TMEM220: variants seen among roughly 807,000 people sequenced by gnomAD.
The protein encoded by TMEM220 is transmembrane protein 220.
In TMEM220, 21 loss-of-function variants were observed where a neutral mutation model predicts 21.7. The ratio of observed to expected loss-of-function variants is 0.97; its 90% CI spans 0.69 to 1.39. The LOEUF (loss-of-function observed/expected upper bound fraction) is 1.39. Among genes scored for constraint, TMEM220 ranks in the 40% most tolerant of loss-of-function variants. The pLI is 0.00. For synonymous variants in TMEM220, 80 were observed against 73.6 expected, an observed-to-expected ratio of 1.09 and a Z score of -0.45; for missense variants, 191 against 201.9, an observed-to-expected ratio of 0.95 and a Z score of 0.33.
Position 10,715,113 on chromosome 17 carries a change from C to A in TMEM220, c.*340G>T. 1 of 189,856 alleles carries A rather than the reference C, an allele frequency of 5.3e-6. No homozygotes were observed. The highest frequency in any genetic ancestry group is 1.1e-5 in the Non-Finnish European group (1 of 93,594). The allele number at this position is 189,856 out of a possible 1,614,324, so 11.8% of individuals were successfully genotyped here. A position where few individuals can be genotyped will look rare whatever the true frequency, so the allele number is the denominator to read the frequency against. ...GTAAGTAAGTAGATCTGGCATTAAT[C>A]CTATTTTATAGATAAATATCCACCA... On this transcript the variant is annotated 3_prime_UTR_variant, in exon 6 of 6. Transcript: ENST00000341871.
In TMEM220 at chr17:10,725,066, C is replaced by A; in HGVS notation, c.232G>T (p.Ala78Ser). The A allele has an allele frequency of 1.2e-6, 2 of 1,614,114 alleles. No individual in the cohort carries two copies. Among genetic ancestry groups the A allele is most frequent in the Non-Finnish European group, 1.7e-6 (2 of 1,180,042 alleles). The stretch of plus-strand genomic sequence containing the variant: ...TGTGTACGATGCAAGAGGTAGGACG[C>A]CAAGCCAACAGCCCACACCGTACAA... ...LFCTVWAVGLASYLLHRTQQN... is the reference protein window; with the variant it reads ...LFCTVWAVGLSSYLLHRTQQN... Residue 78 changes from alanine to serine, a missense_variant, in exon 4 of 6, where the codon GCG becomes TCG. Transcript: ENST00000341871.
chr17:10,716,484 T>C (rs956180874), intron 5 of TMEM220: 4 of 668,524 alleles, frequency 6.0e-6, no homozygotes, highest in Non-Finnish European at 1.1e-5. Flanking sequence ...GTGCCCCACG[T>C]AGTAGCGCAG....
chr17:10,715,644 G>C, intron 5 of TMEM220, 56 bp from the exon 6 acceptor site: 3 of 1,361,036 alleles, frequency 2.2e-6, no homozygotes, highest in Non-Finnish European at 3.0e-6. Flanking sequence ...TTGGAAACAA[G>C]TATAAAGACT....
rs1310202832 is a variant in TMEM220 at position 10,715,378 on chromosome 17, C to G, written c.*75G>C. 10 of 1,413,010 alleles carry G rather than the reference C, an allele frequency of 7.1e-6. No individual in the cohort carries two copies. The highest frequency in any genetic ancestry group is 9.6e-6 in the Non-Finnish European group (10 of 1,039,712). 87.5% of individuals were successfully genotyped at this position (1,413,010 alleles called of 1,614,324 possible). On this transcript the variant is annotated 3_prime_UTR_variant, in exon 6 of 6. Coordinates refer to ENST00000341871, the MANE Select transcript of TMEM220 (RefSeq NM_001004313.3). ...TAGCCCAAATTACCTGAAATAAACT[C>G]CTGGCTTGTTCCCCTAATGTTTATA...
chr17:10,717,835 T>C lies in TMEM220; in HGVS notation c.348-2247A>G, dbSNP rs185434485. Among the ~76,000 whole-genome samples the C allele has an allele frequency of 9.0e-4, 137 of 152,270 alleles. 1 individual carries two copies. In the East Asian group the frequency reaches 0.022, roughly 24 times the overall value. ...TTATGAACTCGATTTTTTTTTTTCT[T>C]TGAGACGGAGTTTCTTTCATTCTTG... On this transcript the variant is annotated intron_variant, in intron 5 of 5. Coordinates refer to ENST00000341871, the MANE Select transcript of TMEM220 (RefSeq NM_001004313.3).
At chr17:10,723,556 G>T (rs746282610) in intron 4 of TMEM220, among the ~76,000 whole-genome samples, 2 of 152,114 alleles carry the variant, frequency 1.3e-5, no homozygotes, top group Admixed American at 6.6e-5. Context: ...TAAAAGGCAG[G>T]TATGAGATCC....
intron 3 of TMEM220, 37 bp downstream of exon 3, chr17:10,726,167 A>T (rs183309316): frequency 6.4e-7 from 1 of 1,571,106 alleles, no homozygotes; most frequent in East Asian, 2.2e-5. Flanking sequence ...AGGAAATCTG[A>T]TTTGCTGTCT....
chr17:10,716,721 C>T (rs9675007), intron 5 of TMEM220, among the ~76,000 whole-genome samples: 520 of 152,314 alleles, frequency 3.4e-3, no homozygotes, highest in African/African-American at 0.012. Context: ...ACTGCCTTCT[C>T]AGCTACCCTG....
At chr17:10,723,372 G>T in intron 4 of TMEM220, 43 bp from the exon 5 acceptor site, 1 of 1,461,946 alleles carries the variant, frequency 6.8e-7, no homozygotes, top group Non-Finnish European at 9.6e-7. Flanking sequence ...GTGGCTACAA[G>T]TGAGATGCAT....
chr17:10,723,456 G>T, intron 4 of TMEM220, 127 bp from the exon 5 acceptor site: 1 of 718,004 alleles, frequency 1.4e-6, no homozygotes, highest in Non-Finnish European at 2.6e-6. Flanking sequence ...AAGATCTATG[G>T]CATCGATGGA....
chr17:10,720,024 C>A (rs144200419), intron 5 of TMEM220, among the ~76,000 whole-genome samples: 1 of 152,180 alleles, frequency 6.6e-6, no homozygotes, highest in Non-Finnish European at 1.5e-5. Context: ...CCTTTCTCAA[C>A]GATCCGATTA....
intron 2 of TMEM220, among the ~76,000 whole-genome samples, chr17:10,726,694 A>G (rs1442531533): frequency 6.6e-6 from 1 of 152,224 alleles, no homozygotes; most frequent in Non-Finnish European, 1.5e-5. Flanking sequence ...TGGACCATCC[A>G]GGCCAGTACT....
intron 5 of TMEM220, among the ~76,000 whole-genome samples, chr17:10,717,903 C>A (rs950140688): frequency 6.6e-6 from 1 of 152,002 alleles, no homozygotes; most frequent in African/African-American, 2.4e-5. Context: ...TCATCGCAAC[C>A]TCTGCCTCCA....
chr17:10,721,628 GAAAAA>G (rs1406027297), intron 5 of TMEM220, among the ~76,000 whole-genome samples: 1 of 52,796 alleles, frequency 1.9e-5, no homozygotes, highest in African/African-American at 9.8e-5. Context: ...AAGAAAAAAA[GAAAAA>G]AAAGAAAAAA....
At chr17:10,728,815 A>C (rs1400598797) in intron 2 of TMEM220, among the ~76,000 whole-genome samples, 1 of 152,188 alleles carries the variant, frequency 6.6e-6, no homozygotes, top group Non-Finnish European at 1.5e-5. Context: ...CTGCAGAAAG[A>C]CCTGTTTCCA....
intron 2 of TMEM220, among the ~76,000 whole-genome samples, chr17:10,727,927 G>A (rs532774161): frequency 6.6e-6 from 1 of 152,170 alleles, no homozygotes; most frequent in Non-Finnish European, 1.5e-5. Context: ...TTGGGAGGCT[G>A]AGGCAGGTGG....
downstream of TMEM220, among the ~76,000 whole-genome samples, chr17:10,712,273 C>A (rs893259088): frequency 2.6e-5 from 4 of 152,198 alleles, no homozygotes; most frequent in South Asian, 6.2e-4. Context: ...GTATCATATT[C>A]TCTGCTGTCT....
downstream of TMEM220, among the ~76,000 whole-genome samples, chr17:10,712,699 G>A (rs572757539): frequency 3.4e-4 from 51 of 152,232 alleles, no homozygotes; most frequent in Non-Finnish European, 6.3e-4. Flanking sequence ...AGCAAAAGCA[G>A]AGGCATTGAA....
intron 2 of TMEM220, among the ~76,000 whole-genome samples, chr17:10,726,732 T>C (rs1190841231): frequency 6.6e-6 from 1 of 152,230 alleles, no homozygotes; most frequent in Non-Finnish European, 1.5e-5. Context: ...CAGAAAGTTT[T>C]CTAATAATGC....
Sources: allele counts gnomAD v4.1 joint callset (sites outside exome capture counted in the v4.1 genomes callset), GRCh38; gene constraint gnomAD v4.1.1; transcripts MANE v1.5; gene names NCBI Gene and HGNC (gene_info 2026-07-23, HGNC 2026-07-21).